GAS7: variants seen among roughly 807,000 people sequenced by gnomAD.
The protein encoded by GAS7 is growth arrest-specific protein 7.
A neutral mutation model predicts 71.1 loss-of-function variants in GAS7; 28 were observed. The ratio of observed to expected loss-of-function variants is 0.39; its 90% CI spans 0.29 to 0.54. The LOEUF (loss-of-function observed/expected upper bound fraction) is 0.54. GAS7 is among the 20% of genes least tolerant of loss of function. The pLI is 0.62. For synonymous variants in GAS7, 258 were observed against 245.8 expected (o/e 1.05, Z -0.46); for missense variants, 436 against 627.8 (o/e 0.69, Z 3.27).
intron 8 of GAS7, among the ~76,000 whole-genome samples, chr17:9,937,503 CAGA>C (rs2068444124): frequency 6.6e-6 from 1 of 152,250 alleles, no homozygotes; most frequent in Admixed American, 6.5e-5. Flanking sequence ...GTGCATGGAG[CAGA>C]AGGAGGCCAG....
At chr17:10,045,021 A>G (rs113095275) in intron 1 of GAS7, among the ~76,000 whole-genome samples, 6,695 of 147,692 alleles carry the variant, frequency 0.045, 543 homozygotes, top group African/African-American at 0.16. Flanking sequence ...AGCCCGGGCG[A>G]CAGAGCGAGA....
chr17:10,099,395 G>C (rs2073676723), intron 1 of GAS7, among the ~76,000 whole-genome samples: 2 of 152,166 alleles, frequency 1.3e-5, no homozygotes, highest in African/African-American at 2.4e-5. Context: ...GAGCAGGCAG[G>C]GACTTTGCAA....
At chr17:10,048,206 G>A (rs1366560287) in intron 1 of GAS7, among the ~76,000 whole-genome samples, 1 of 152,220 alleles carries the variant, frequency 6.6e-6, no homozygotes, top group East Asian at 1.9e-4. Flanking sequence ...GGAGGCTGAG[G>A]CAGGAGAACT....
intron 1 of GAS7, among the ~76,000 whole-genome samples, chr17:10,059,242 AG>A (rs2073189547): frequency 6.6e-6 from 1 of 152,174 alleles, no homozygotes; most frequent in East Asian, 1.9e-4. Context: ...GGGCCTTTTC[AG>A]GCTTCTCCTG....
At chr17:10,161,741 A>T (rs1190538949) in intron 1 of GAS7, among the ~76,000 whole-genome samples, 1 of 152,180 alleles carries the variant, frequency 6.6e-6, no homozygotes, top group African/African-American at 2.4e-5. Flanking sequence ...AGCCAAATGC[A>T]AATGTCCAGT....
At chr17:10,047,749 G>C (rs2073000370) in intron 1 of GAS7, among the ~76,000 whole-genome samples, 1 of 152,170 alleles carries the variant, frequency 6.6e-6, no homozygotes, top group Admixed American at 6.5e-5. Context: ...TATAAAAATT[G>C]CTCATTTAAA....
chr17:9,996,290 A>C (rs979892537), intron 2 of GAS7, among the ~76,000 whole-genome samples: 1 of 152,112 alleles, frequency 6.6e-6, no homozygotes, highest in African/African-American at 2.4e-5. Flanking sequence ...ATGAAGCTGG[A>C]AACCATCATT....
At chr17:10,179,267 T>C (rs988665608) in intron 1 of GAS7, among the ~76,000 whole-genome samples, 1 of 151,782 alleles carries the variant, frequency 6.6e-6, no homozygotes, top group African/African-American at 2.4e-5. Context: ...AGGCGGATGT[T>C]GCAGTGAGCC....
chr17:10,066,118 AG>A (rs1317541464), intron 1 of GAS7, among the ~76,000 whole-genome samples: 5 of 152,174 alleles, frequency 3.3e-5, no homozygotes, highest in Non-Finnish European at 7.4e-5. Flanking sequence ...GGCGTAGGGT[AG>A]GAAGGCACCA....
At chr17:9,933,817 C>T in intron 9 of GAS7, among the ~76,000 whole-genome samples, 1 of 152,140 alleles carries the variant, frequency 6.6e-6, no homozygotes, top group East Asian at 1.9e-4. Context: ...TGCACTCCAG[C>T]CTGGGCAACA....
At chr17:10,003,339 C>T (rs2071345603) in intron 2 of GAS7, among the ~76,000 whole-genome samples, 1 of 152,230 alleles carries the variant, frequency 6.6e-6, no homozygotes, top group South Asian at 2.1e-4. Flanking sequence ...GGTGTTCACC[C>T]AAAGCCCATG....
chr17:9,982,642 T>C (rs982167054), intron 2 of GAS7, among the ~76,000 whole-genome samples: 2 of 151,956 alleles, frequency 1.3e-5, no homozygotes, highest in African/African-American at 4.8e-5. Context: ...CCAGGCGTGG[T>C]GGCACGTGCC....
At position 10,109,881 on chromosome 17, in the gene GAS7, C is replaced by T. The variant is rs144092043; in HGVS notation, c.183+88327G>A. On this transcript the variant is annotated intron_variant, in intron 1 of 13. Coordinates refer to ENST00000432992, the MANE Select transcript of GAS7 (RefSeq NM_201433.2). ...CCAGCCTGGCCAACGTGGTAAAACC[C>T]CCTCTGTACTAAAAATACAAAAATC... 2.6e-3 allele frequency among the ~76,000 whole-genome samples: 399 copies of T among 152,128 alleles called. 3 individuals carry two copies. The highest frequency in any genetic ancestry group is 4.7e-3 in the Non-Finnish European group (319 of 67,986).
intron 2 of GAS7, among the ~76,000 whole-genome samples, chr17:9,985,507 T>C (rs912874400): frequency 6.6e-6 from 1 of 152,198 alleles, no homozygotes; most frequent in African/African-American, 2.4e-5. Context: ...TGTTCACTCA[T>C]CAAGTCTCAA....
Position 10,196,087 on chromosome 17 carries a change from C to T in GAS7, c.183+2121G>A, listed in dbSNP as rs1209306527. ...CCCTAGAGGTTCAGCCTCCCCTTCG[C>T]GGTGCTGTCACCAACATGCTGACCT... is the stretch of plus-strand genomic sequence containing the variant. On this transcript the variant is annotated intron_variant, in intron 1 of 13. Transcript: ENST00000432992. Among the ~76,000 whole-genome samples the T allele has an allele frequency of 3.9e-5, 6 of 152,170 alleles. No homozygotes were observed. The East Asian group carries it at 7.7e-4, about 20-fold the overall frequency.
chr17:10,175,009 C>T (rs1328524843), intron 1 of GAS7, among the ~76,000 whole-genome samples: 1 of 152,032 alleles, frequency 6.6e-6, no homozygotes, highest in African/African-American at 2.4e-5. Context: ...CCACGCCTGG[C>T]TAATTTTTTA....
chr17:10,100,550 T>C (rs2073688189), intron 1 of GAS7, among the ~76,000 whole-genome samples: 2 of 152,154 alleles, frequency 1.3e-5, no homozygotes, highest in African/African-American at 4.8e-5. Flanking sequence ...CCAGTTACCA[T>C]TGTGGGTAGA....
intron 2 of GAS7, among the ~76,000 whole-genome samples, chr17:9,991,882 C>T (rs2070856557): frequency 6.6e-6 from 1 of 151,874 alleles, no homozygotes; most frequent in Non-Finnish European, 1.5e-5. Context: ...TGAGAAGACA[C>T]CTTATCGAAT....
At chr17:10,006,001 C>A (rs1312407614) in intron 2 of GAS7, among the ~76,000 whole-genome samples, 2 of 152,148 alleles carry the variant, frequency 1.3e-5, no homozygotes, top group Non-Finnish European at 2.9e-5. Context: ...TGGTAGAGAT[C>A]CTGCTATGGG....
Sources: gnomAD v4.1 joint callset for allele counts (sites outside exome capture counted in the v4.1 genomes callset) on GRCh38, gnomAD v4.1.1 for gene constraint, MANE v1.5 for transcripts, NCBI Gene and HGNC (gene_info 2026-07-23, HGNC 2026-07-21) for gene names.